The following PCDHA7 variants were observed in gnomAD, a reference collection of about 807,000 sequenced individuals.
PCDHA7 encodes protocadherin alpha-7.
A neutral mutation model predicts 57.2 loss-of-function variants in PCDHA7; 37 were observed. The ratio of observed to expected loss-of-function variants is 0.65; its 90% CI spans 0.50 to 0.85. The LOEUF is 0.85. Among genes scored for constraint, PCDHA7 ranks in the 40% least tolerant of loss-of-function variants. PCDHA7 has a pLI of 0.00. For synonymous variants in PCDHA7, 553 were observed against 558.8 expected (o/e 0.99, Z 0.15); for missense variants, 1,188 against 1,241.8 (o/e 0.96, Z 0.65).
At chr5:140,873,161 C>G (rs946054760) in intron 1 of PCDHA7, among the ~76,000 whole-genome samples, 2 of 152,012 alleles carry the variant, frequency 1.3e-5, no homozygotes, top group South Asian at 2.1e-4. Context: ...GACTTTAGAT[C>G]GAGAGCTTTT....
At chr5:140,855,487 T>A (rs1554147815) in intron 1 of PCDHA7, among the ~76,000 whole-genome samples, 3 of 149,802 alleles carry the variant, frequency 2.0e-5, no homozygotes, top group Non-Finnish European at 1.5e-5. Flanking sequence ...GACATTAGTG[T>A]CTAAATAAAC....
chr5:140,938,679 T>C (rs574212689), intron 1 of PCDHA7, among the ~76,000 whole-genome samples: 1 of 152,302 alleles, frequency 6.6e-6, no homozygotes, highest in South Asian at 2.1e-4. Flanking sequence ...CCTAACATTT[T>C]CTTTACAGTT....
intron 1 of PCDHA7, among the ~76,000 whole-genome samples, chr5:140,941,208 T>TTCCTTTCTTTCTTTCTTTCTTTCG (rs2092839762): frequency 9.1e-6 from 1 of 109,450 alleles, no homozygotes; most frequent in Non-Finnish European, 2.0e-5. Context: ...TCTTCCTTTC[T>TTCCTTTCTTTCTTTCTTTCTTTCG]TTCTTCCTTT....
chr5:140,909,945 A>C (rs540241627), intron 1 of PCDHA7, among the ~76,000 whole-genome samples: 3 of 152,316 alleles, frequency 2.0e-5, no homozygotes, highest in Non-Finnish European at 4.4e-5. Context: ...ACTCTGGTAA[A>C]AAGCCGTAGG....
intron 3 of PCDHA7, among the ~76,000 whole-genome samples, chr5:140,995,181 T>G (rs1443897354): frequency 6.6e-6 from 1 of 152,186 alleles, no homozygotes; most frequent in Non-Finnish European, 1.5e-5. Context: ...GGTGCACCTA[T>G]GATAAAGTTT....
At chr5:140,923,165 A>G (rs1307354165) in intron 1 of PCDHA7, among the ~76,000 whole-genome samples, 1 of 152,148 alleles carries the variant, frequency 6.6e-6, no homozygotes. Context: ...AGAAAGATAA[A>G]TTTTTGTTCA....
intron 2 of PCDHA7, among the ~76,000 whole-genome samples, chr5:140,981,680 C>G (rs1238332235): frequency 6.6e-6 from 1 of 151,746 alleles, no homozygotes; most frequent in Non-Finnish European, 1.5e-5. Context: ...CTTCCTTCCT[C>G]CCTTCCATCA....
rs372392810 is a variant in PCDHA7, at chr5:140,953,521, C to T, written c.2356-25428C>T. On this transcript the variant is annotated intron_variant, in intron 1 of 3. Coordinates refer to ENST00000525929, the MANE Select transcript of PCDHA7 (RefSeq NM_018910.3). Reference sequence around the variant, plus strand: ...AGCTATTAGGCCAAAGCAACAAAAACGGGAAACTCACTTCATGCTGATTCT... The same window carrying T: ...AGCTATTAGGCCAAAGCAACAAAAATGGGAAACTCACTTCATGCTGATTCT... 2.0e-5 allele frequency among the ~76,000 whole-genome samples: 3 copies of T among 152,230 alleles called. No individual in the cohort carries two copies. In the East Asian group the frequency reaches 5.8e-4, roughly 29 times the overall value.
intron 1 of PCDHA7, chr5:140,856,304 A>C (rs782114957): frequency 1.3e-5 from 21 of 1,598,432 alleles, no homozygotes; most frequent in Non-Finnish European, 1.8e-5. Flanking sequence ...TTTGTTTGTG[A>C]ATTCTCGGAT....
intron 1 of PCDHA7, among the ~76,000 whole-genome samples, chr5:140,964,992 A>G (rs1459979924): frequency 6.6e-6 from 1 of 152,098 alleles, no homozygotes; most frequent in Non-Finnish European, 1.5e-5. Flanking sequence ...CAGGCCTTTG[A>G]ATTCTGGGTG....
At chr5:140,899,252 C>T (rs1219703479) in intron 1 of PCDHA7, among the ~76,000 whole-genome samples, 1 of 152,142 alleles carries the variant, frequency 6.6e-6, no homozygotes, top group Non-Finnish European at 1.5e-5. Context: ...TGAGAGAGGG[C>T]ATCCCTGTCT....
intron 1 of PCDHA7, chr5:140,929,210 G>C (rs782078369): frequency 1.9e-6 from 3 of 1,614,070 alleles, no homozygotes; most frequent in Non-Finnish European, 2.5e-6. Context: ...CTGTTGCGTG[G>C]GGAGTACAAT....
chr5:140,973,974 T>C (rs2096609755), intron 1 of PCDHA7, among the ~76,000 whole-genome samples: 1 of 152,224 alleles, frequency 6.6e-6, no homozygotes. Context: ...TAAATGTGGC[T>C]TTTACAGAAC....
At chr5:140,989,619 TC>T (rs2097351060) in intron 3 of PCDHA7, among the ~76,000 whole-genome samples, 1 of 152,196 alleles carries the variant, frequency 6.6e-6, no homozygotes. Flanking sequence ...TGAAAGTCTG[TC>T]CTAGTGACAG....
At chr5:140,965,109 C>T (rs940351305) in intron 1 of PCDHA7, among the ~76,000 whole-genome samples, 3 of 152,168 alleles carry the variant, frequency 2.0e-5, no homozygotes, top group African/African-American at 7.2e-5. Context: ...GAAAATGACC[C>T]ATAGAGGAAG....
At chr5:140,944,385 C>T (rs1273075803) in intron 1 of PCDHA7, among the ~76,000 whole-genome samples, 4 of 152,092 alleles carry the variant, frequency 2.6e-5, no homozygotes, top group Non-Finnish European at 5.9e-5. Flanking sequence ...TGGAGTCTCA[C>T]TGTGTTATCC....
chr5:140,848,093 T>G, intron 1 of PCDHA7: 1 of 167,516 alleles, frequency 6.0e-6, no homozygotes, highest in South Asian at 1.6e-4. Context: ...AAGTGGAGAG[T>G]TTTCTCAGGG....
rs142482863 is a variant in PCDHA7, at chr5:140,834,671, C to T, written c.288C>T (p.Cys96=). 2 of 1,614,216 alleles carry T rather than the reference C, an allele frequency of 1.2e-6. No homozygotes were observed. Among genetic ancestry groups the T allele is most frequent in the Non-Finnish European group, 1.7e-6 (2 of 1,180,042 alleles). Residue 96 remains cysteine, a synonymous_variant, in exon 1 of 4, where the codon TGC becomes TGT. Transcript: ENST00000525929. ...VNSRIDREEL[C]GRSAECSIHL... ...CTCGGATCGACCGCGAGGAGCTGTG[C>T]GGGCGGAGCGCGGAGTGCAGCATCC...
At chr5:140,881,325 A>G in intron 1 of PCDHA7, 4 of 984,454 alleles carry the variant, frequency 4.1e-6, no homozygotes, top group Non-Finnish European at 4.8e-6. Flanking sequence ...ATTCTATTTA[A>G]CCAGGACGCC....
Sources: gnomAD v4.1 joint callset for allele counts (sites outside exome capture counted in the v4.1 genomes callset) on GRCh38, gnomAD v4.1.1 for gene constraint, MANE v1.5 for transcripts, NCBI Gene and HGNC (gene_info 2026-07-23, HGNC 2026-07-21) for gene names.